SLITRK6: variants seen among roughly 807,000 people sequenced by gnomAD.
SLITRK6 encodes SLIT and NTRK-like protein 6.
SLITRK6 carries 35 observed loss-of-function variants against 55.6 expected under a neutral mutation model. That is an observed-to-expected ratio of 0.63 (90% CI 0.48 to 0.83). The LOEUF is 0.83. SLITRK6 is among the 40% of genes least tolerant of loss of function. SLITRK6 has a pLI of 0.00. For missense variants in SLITRK6, 977 were observed against 986.4 expected (o/e 0.99, Z 0.13); for synonymous variants, 392 against 359.6 (o/e 1.09, Z -1.02).
rs145155864 is a variant in SLITRK6, at chr13:85,794,326, G to T, written c.2183C>A (p.Ser728Ter). The part of the protein sequence containing the change: ...QRSLLEQENH[S>*]PLTGSNMKYK... ...TTTCATATTTGACCCTGTGAGTGGT[G>T]AATGATTTTCCTGTTCCAAAAGACT... is the stretch of plus-strand genomic sequence containing the variant. Residue 728 changes from serine to a stop codon, truncating the protein, a stop_gained, in exon 2 of 2, where the codon TCA becomes TAA. Coordinates refer to ENST00000647374, the MANE Select transcript of SLITRK6 (RefSeq NM_032229.3). LOFTEE classifies it high-confidence loss of function. The T allele has an allele frequency of 6.2e-7, 1 of 1,613,276 alleles. No individual in the cohort carries two copies. Among genetic ancestry groups the T allele is most frequent in the Admixed American group, 1.7e-5 (1 of 59,930 alleles).
At position 85,794,549 on chromosome 13, in the gene SLITRK6, C is replaced by T. The variant is rs1355620464; in HGVS notation, c.1960G>A (p.Val654Met). ...VDEQMRDNSP[V>M]HLQYSMYGHK... The stretch of plus-strand genomic sequence containing the variant: ...CCATACATGCTGTACTGAAGATGCA[C>T]AGGACTGTTGTCTCTCATTTGCTCA... Residue 654 changes from valine to methionine, a missense_variant, in exon 2 of 2, where the codon GTG becomes ATG. Physicochemically the swap from Val to Met is conservative, Grantham distance 21. Transcript: ENST00000647374. 2 of 1,613,166 alleles carry T rather than the reference C, an allele frequency of 1.2e-6. No homozygotes were observed. The highest frequency in any genetic ancestry group is 1.7e-5 in the Admixed American group (1 of 59,846).
At chr13:85,796,705 TACTC>T (rs1361303375) in intron 1 of SLITRK6, among the ~76,000 whole-genome samples, 173 bp from the exon 2 acceptor site, 1 of 151,478 alleles carries the variant, frequency 6.6e-6, no homozygotes. Context: ...TTTTTCCTAA[TACTC>T]AGACAGGCAA....
chr13:85,794,871 G>A lies in SLITRK6; in HGVS notation c.1638C>T (p.Cys546=), dbSNP rs200014932. ...SKNTVTDDIL[C]TSPGHLDKKE... is the part of the protein sequence containing the mutation. The stretch of plus-strand genomic sequence containing the variant: ...TTTTGTCGAGATGCCCGGGGGAAGT[G>A]CAGAGGATGTCATCTGTCACTGTGT... The change falls in exon 2 of 2, where the codon TGC becomes TGT. Residue 546 remains cysteine, a synonymous_variant. Coordinates refer to ENST00000647374, the MANE Select transcript of SLITRK6 (RefSeq NM_032229.3). 513 of 1,613,082 alleles carry A rather than the reference G, an allele frequency of 3.2e-4. 1 individual carries two copies. Among genetic ancestry groups the A allele is most frequent in the Admixed American group, 9.9e-4 (59 of 59,796 alleles).
intron 1 of SLITRK6, among the ~76,000 whole-genome samples, chr13:85,796,748 T>G (rs920792315): frequency 8.6e-5 from 13 of 151,434 alleles, no homozygotes; most frequent in African/African-American, 2.4e-4. Context: ...TTGCATTGTG[T>G]TCAAAATATA....
Position 85,794,714 on chromosome 13 carries a change from G to A in SLITRK6, c.1795C>T (p.Arg599Ter), listed in dbSNP as rs772203918. Residue 599 changes from arginine to a stop codon, truncating the protein, a stop_gained, in exon 2 of 2, where the codon CGA (arginine) becomes TGA (stop). Coordinates refer to ENST00000647374, the MANE Select transcript of SLITRK6 (RefSeq NM_032229.3). LOFTEE classifies it high-confidence loss of function. ...TTTNTADTIL[R>*]SLTDAVPLSV... ...AGTGGCACAGCGTCCGTAAGAGATC[G>A]TAAAATAGTATCAGCCGTATTTGTT... 2.5e-6 allele frequency: 4 copies of A among 1,613,184 alleles called. No homozygotes were observed. The highest frequency in any genetic ancestry group is 1.1e-5 in the South Asian group (1 of 91,070).
rs1220543202 is a variant in SLITRK6 at position 85,799,028 on chromosome 13, T to A, written c.-139A>T. On this transcript the variant is annotated 5_prime_UTR_variant, in exon 1 of 2. It adds an upstream start codon to the 5' untranslated region. Coordinates refer to ENST00000647374, the MANE Select transcript of SLITRK6 (RefSeq NM_032229.3). ...AAAACACCAACCACTGCGTACTTTC[T>A]TCTCAAATATCACTTTTTGTCAAGT... 1 of 151,836 alleles carries A rather than the reference T, an allele frequency of 6.6e-6. No individual in the cohort carries two copies. The allele number at this position is 151,836 out of a possible 1,614,324, so 9.4% of individuals were successfully genotyped here.
At position 85,796,479 on chromosome 13, in the gene SLITRK6, T is replaced by G. The variant is rs762640929; in HGVS notation, c.30A>C (p.Ser10=). The change falls in exon 2 of 2, where the codon TCA becomes TCC. Residue 10 remains serine (S), a synonymous_variant. Transcript: ENST00000647374. ...GTAAAGATATACAGGCAAGGAGAGA[T>G]GAATAAAAGAGATGAATCCACAGCT... The part of the protein sequence containing the change: MKLWIHLFY[S]SLLACISLHS... 6.4e-7 allele frequency: 1 copy of G among 1,559,650 alleles called. No individual in the cohort carries two copies. The highest frequency in any genetic ancestry group is 2.1e-5 in the Admixed American group (1 of 47,232).
chr13:85,795,954 T>C lies in SLITRK6; in HGVS notation c.555A>G (p.Leu185=), dbSNP rs1255062252. 6.2e-7 allele frequency: 1 copy of C among 1,613,002 alleles called. No homozygotes were observed. The highest frequency in any genetic ancestry group is 2.2e-5 in the East Asian group (1 of 44,842). The change falls in exon 2 of 2, where the codon TTA becomes TTG. Residue 185 remains leucine (L), a synonymous_variant. Transcript: ENST00000647374. ...LPPNIFRFVP[L]THLDLRGNQL... is the part of the protein sequence containing the mutation. ...GATTTCCACGAAGATCTAGATGGGT[T>C]AAAGGAACAAATCGGAAGATGTTTG... is the stretch of plus-strand genomic sequence containing the variant.
Position 85,795,410 on chromosome 13 carries a change from T to C in SLITRK6, c.1099A>G (p.Lys367Glu), listed in dbSNP as rs1874681874. The change falls in exon 2 of 2, where the codon AAG becomes GAG. Residue 367 changes from lysine (K) to glutamate (E), a missense_variant. Transcript: ENST00000647374. ...DLRPPPQNPR[K>E]LILAGNIIHS... is the part of the protein sequence containing the mutation. Reference sequence around the variant, plus strand: ...ATAATATTTCCCGCTAGAATGAGCTTTCTAGGATTTTGCGGAGGAGGTCTC... The same window carrying C: ...ATAATATTTCCCGCTAGAATGAGCTCTCTAGGATTTTGCGGAGGAGGTCTC... The C allele has an allele frequency of 6.2e-7, 1 of 1,612,786 alleles. No individual in the cohort carries two copies. The highest frequency in any genetic ancestry group is 8.5e-7 in the Non-Finnish European group (1 of 1,179,398).
Position 85,795,411 on chromosome 13 carries a change from T to C in SLITRK6, c.1098A>G (p.Arg366=). 6.2e-7 allele frequency: 1 copy of C among 1,612,968 alleles called. No individual in the cohort carries two copies. The highest frequency in any genetic ancestry group is 1.1e-5 in the South Asian group (1 of 91,058). The change falls in exon 2 of 2, where the codon AGA becomes AGG. Residue 366 remains arginine, a synonymous_variant. Transcript: ENST00000647374. The part of the protein sequence containing the change: ...SDLRPPPQNP[R]KLILAGNIIH... ...TAATATTTCCCGCTAGAATGAGCTT[T>C]CTAGGATTTTGCGGAGGAGGTCTCA...
At position 85,794,457 on chromosome 13, in the gene SLITRK6, G is replaced by A. The variant is rs200219908; in HGVS notation, c.2052C>T (p.Ser684=). 28 of 1,613,246 alleles carry A rather than the reference G, an allele frequency of 1.7e-5. No individual in the cohort carries two copies. The South Asian group carries it at 3.1e-4, about 18-fold the overall frequency. ...GACTTCTATAGACATGAACCATGGGGCTCACCATGTGCTGTTCATAGAGTG... is the reference window on the plus strand; with the variant it reads ...GACTTCTATAGACATGAACCATGGGACTCACCATGTGCTGTTCATAGAGTG... ...SASLYEQHMV[S]PMVHVYRSPS... Residue 684 remains serine (S), a synonymous_variant, in exon 2 of 2, where the codon AGC becomes AGT. Transcript: ENST00000647374.
At position 85,794,704 on chromosome 13, in the gene SLITRK6, G is replaced by A. The variant is rs369304860; in HGVS notation, c.1805C>T (p.Thr602Met). 4.7e-5 allele frequency: 76 copies of A among 1,613,130 alleles called. No homozygotes were observed. The Middle Eastern group carries it at 4.9e-4, about 10-fold the overall frequency. Reference protein sequence around the residue: ...NTADTILRSLTDAVPLSVLIL... With the variant: ...NTADTILRSLMDAVPLSVLIL... ...TAGAACAGACAGTGGCACAGCGTCC[G>A]TAAGAGATCGTAAAATAGTATCAGC... Residue 602 changes from threonine to methionine, a missense_variant, in exon 2 of 2, where the codon ACG becomes ATG. Physicochemically the swap from Thr to Met is moderately conservative, Grantham distance 81. Transcript: ENST00000647374.
At chr13:85,797,169 A>ATATATATATATAT (rs1874753277) in intron 1 of SLITRK6, among the ~76,000 whole-genome samples, 1 of 149,760 alleles carries the variant, frequency 6.7e-6, no homozygotes, top group African/African-American at 2.4e-5. Context: ...ATATATATAT[A>ATATATATATATAT]CTAATTTTAT....
rs1393336137 is a variant in SLITRK6, at chr13:85,793,933, G to C, written c.*50C>G. The stretch of plus-strand genomic sequence containing the variant: ...GTAAGGCACTTATTTACAAGGTATG[G>C]ACTTAAAACAGAATCACAGCATTTC... On this transcript the variant is annotated 3_prime_UTR_variant, in exon 2 of 2. Coordinates refer to ENST00000647374, the MANE Select transcript of SLITRK6 (RefSeq NM_032229.3). 9 of 1,544,008 alleles carry C rather than the reference G, an allele frequency of 5.8e-6. No homozygotes were observed. The highest frequency in any genetic ancestry group is 7.8e-6 in the Non-Finnish European group (9 of 1,148,346).
rs759942310 is a variant in SLITRK6, at chr13:85,794,951, C to A, written c.1558G>T (p.Asp520Tyr). 6.2e-7 allele frequency: 1 copy of A among 1,613,066 alleles called. No homozygotes were observed. Among genetic ancestry groups the A allele is most frequent in the Non-Finnish European group, 8.5e-7 (1 of 1,179,478 alleles). ...AGTCCAACCAGGTCACAGGAGCAGT[C>A]CCAGGGGTTATCCTCAAGGTCAATC... is the stretch of plus-strand genomic sequence containing the variant. ...TQIDLEDNPW[D>Y]CSCDLVGLQQ... The change falls in exon 2 of 2, where the codon GAC becomes TAC. Residue 520 changes from aspartate to tyrosine, a missense_variant. Coordinates refer to ENST00000647374, the MANE Select transcript of SLITRK6 (RefSeq NM_032229.3).
In SLITRK6 at chr13:85,796,308, G is replaced by A; in HGVS notation, c.201C>T (p.Phe67=). Residue 67 remains phenylalanine, a synonymous_variant, in exon 2 of 2, where the codon TTC becomes TTT. Transcript: ENST00000647374. ...AGCCGTTATTTAATAAGCTTAGTTG[G>A]AAAGGTCGTGATGGTGGCACACTTA... ...SEISVPPSRP[F]QLSLLNNGLT... 3.1e-6 allele frequency: 5 copies of A among 1,611,802 alleles called. No individual in the cohort carries two copies. Among genetic ancestry groups the A allele is most frequent in the African/African-American group, 1.3e-5 (1 of 74,890 alleles).
chr13:85,792,973 C>T lies in SLITRK6; in HGVS notation c.*1010G>A, dbSNP rs1385357651. 1 of 152,150 alleles carries T rather than the reference C, an allele frequency of 6.6e-6. No individual in the cohort carries two copies. The highest frequency in any genetic ancestry group is 1.5e-5 in the Non-Finnish European group (1 of 67,820). 9.4% of individuals were successfully genotyped at this position (152,150 alleles called of 1,614,324 possible). On this transcript the variant is annotated 3_prime_UTR_variant, in exon 2 of 2. Transcript: ENST00000647374. ...CCCTCTCTTGAGGCAACTTAAACCA[C>T]TTACCTTTAGAAGTGCCTTTTGCTA...
intron 1 of SLITRK6, among the ~76,000 whole-genome samples, chr13:85,796,772 G>A (rs1337394314): frequency 6.6e-6 from 1 of 151,468 alleles, no homozygotes; most frequent in Non-Finnish European, 1.5e-5. Context: ...TTTAGGTCAA[G>A]GGGGATTTAA....
chr13:85,798,684 A>G lies in SLITRK6; in HGVS notation c.-25+230T>C, dbSNP rs370379605. Among the ~76,000 whole-genome samples the G allele has an allele frequency of 2.1e-3, 316 of 152,160 alleles. 3 individuals carry two copies. The highest frequency in any genetic ancestry group is 6.4e-3 in the African/African-American group (266 of 41,560). On this transcript the variant is annotated intron_variant, in intron 1 of 1. Transcript: ENST00000647374. ...CAACAAACTGCATGTTGCAAAAGAAATAGTGGAATATTATATTTGTTCTTC... is the reference window on the plus strand; with the variant it reads ...CAACAAACTGCATGTTGCAAAAGAAGTAGTGGAATATTATATTTGTTCTTC...
Sources: allele counts gnomAD v4.1 joint callset (sites outside exome capture counted in the v4.1 genomes callset), GRCh38; gene constraint gnomAD v4.1.1; transcripts MANE v1.5; gene names NCBI Gene and HGNC (gene_info 2026-07-23, HGNC 2026-07-21).